The following RBMS1 variants were observed in gnomAD, a reference collection of about 807,000 sequenced individuals.
RBMS1 encodes the protein RNA binding motif single stranded interacting protein 1.
In RBMS1, 17 loss-of-function variants were observed where a neutral mutation model predicts 62.3. The observed-to-expected ratio is 0.27, with a 90% CI of 0.19 to 0.41. The LOEUF is 0.41. Ranked by LOEUF, RBMS1 falls within the 10% of genes least tolerant of loss-of-function variation. The pLI is 1.00. For missense variants in RBMS1, 334 were observed against 504.5 expected (o/e 0.66, Z 3.24); for synonymous variants, 172 against 170.0 (o/e 1.01, Z -0.09).
intron 6 of RBMS1, among the ~76,000 whole-genome samples, chr2:160,289,573 A>C (rs1688575471): frequency 6.6e-6 from 1 of 152,180 alleles, no homozygotes; most frequent in African/African-American, 2.4e-5. Context: ...CCAAGTACAC[A>C]AGAGCTGGGG....
At chr2:160,282,048 G>A (rs1310482703) in intron 9 of RBMS1, 15 of 349,112 alleles carry the variant, frequency 4.3e-5, no homozygotes, top group Non-Finnish European at 6.1e-5. Context: ...AGGAAAGAAA[G>A]CATGTGTAGT....
At chr2:160,416,698 G>A (rs1330864695) in intron 1 of RBMS1, among the ~76,000 whole-genome samples, 1 of 152,066 alleles carries the variant, frequency 6.6e-6, no homozygotes, top group East Asian at 1.9e-4. Context: ...AATTTCAGAG[G>A]TGGAAAGAAT....
chr2:160,332,281 G>A (rs1197326903), intron 2 of RBMS1, among the ~76,000 whole-genome samples: 1 of 152,152 alleles, frequency 6.6e-6, no homozygotes, highest in Non-Finnish European at 1.5e-5. Flanking sequence ...CTGAGTAAAA[G>A]AATAGCGGCA....
chr2:160,287,642 T>G (rs1688469814), intron 6 of RBMS1, among the ~76,000 whole-genome samples: 1 of 152,264 alleles, frequency 6.6e-6, no homozygotes, highest in Non-Finnish European at 1.5e-5. Context: ...ATGGGGGCAG[T>G]AACATTGTCT....
intron 3 of RBMS1, 118 bp from the exon 4 acceptor site, chr2:160,313,365 G>A (rs1473317128): frequency 6.5e-6 from 6 of 926,794 alleles, no homozygotes; most frequent in Non-Finnish European, 8.0e-6. Flanking sequence ...TGTCCTGAGG[G>A]AGCTCAGGCG....
At chr2:160,463,197 A>G (rs1263587453) in intron 1 of RBMS1, among the ~76,000 whole-genome samples, 1 of 152,248 alleles carries the variant, frequency 6.6e-6, no homozygotes, top group Non-Finnish European at 1.5e-5. Flanking sequence ...AAAAGAAATG[A>G]TAACCTGTTC....
chr2:160,435,793 T>A (rs1683084197), intron 1 of RBMS1, among the ~76,000 whole-genome samples: 2 of 152,236 alleles, frequency 1.3e-5, no homozygotes, highest in South Asian at 4.1e-4. Context: ...ATTAATCTTC[T>A]TTGCCTAAAT....
intron 1 of RBMS1, among the ~76,000 whole-genome samples, chr2:160,370,014 G>T (rs1187636439): frequency 6.6e-6 from 1 of 152,192 alleles, no homozygotes; most frequent in African/African-American, 2.4e-5. Flanking sequence ...ATTTACTGCA[G>T]TATTTTCCCA....
At chr2:160,439,582 G>A (rs1683305843) in intron 1 of RBMS1, among the ~76,000 whole-genome samples, 1 of 151,654 alleles carries the variant, frequency 6.6e-6, no homozygotes, top group African/African-American at 2.4e-5. Context: ...TGGGCAGCCA[G>A]GCAGAGGGGC....
chr2:160,334,213 T>C (rs533968255), intron 2 of RBMS1, among the ~76,000 whole-genome samples: 14 of 152,314 alleles, frequency 9.2e-5, no homozygotes, highest in Admixed American at 8.5e-4. Context: ...GATGTAGTAA[T>C]GCATTTTAGG....
chr2:160,487,474 C>CA (rs1374468006), intron 1 of RBMS1, among the ~76,000 whole-genome samples: 1 of 152,168 alleles, frequency 6.6e-6, no homozygotes, highest in Non-Finnish European at 1.5e-5. Flanking sequence ...TAAACTTTCC[C>CA]AATGTCAAGT....
chr2:160,275,572 A>G, intron 13 of RBMS1, 58 bp downstream of exon 13: 1 of 1,553,326 alleles, frequency 6.4e-7, no homozygotes, highest in East Asian at 2.3e-5. Context: ...TTTTAAAAAA[A>G]GCCCTATAGA....
At chr2:160,476,178 A>G (rs1685119616) in intron 1 of RBMS1, among the ~76,000 whole-genome samples, 1 of 151,980 alleles carries the variant, frequency 6.6e-6, no homozygotes, top group African/African-American at 2.4e-5. Flanking sequence ...TTTTCTATAC[A>G]CATTATATTC....
At chr2:160,325,709 A>C (rs1690885057) in intron 2 of RBMS1, among the ~76,000 whole-genome samples, 1 of 152,296 alleles carries the variant, frequency 6.6e-6, no homozygotes, top group South Asian at 2.1e-4. Flanking sequence ...AATGAGGCCT[A>C]AAAATAGTAG....
At chr2:160,323,524 G>T (rs1023072633) in intron 2 of RBMS1, among the ~76,000 whole-genome samples, 1 of 145,588 alleles carries the variant, frequency 6.9e-6, no homozygotes, top group Non-Finnish European at 1.5e-5. Context: ...TGTACTAGGA[G>T]AAACAGGTCT....
At position 160,321,979 on chromosome 2, in the gene RBMS1, C is replaced by T. The variant is rs867650643; in HGVS notation, c.252-3752G>A. On this transcript the variant is annotated intron_variant, in intron 2 of 13. Coordinates refer to ENST00000348849, the MANE Select transcript of RBMS1 (RefSeq NM_016836.4). ...CATGCTTGAACTTGAAGAACTTGTTCAAACATTATCTTTTCCATGAAACTA... is the reference window on the plus strand; with the variant it reads ...CATGCTTGAACTTGAAGAACTTGTTTAAACATTATCTTTTCCATGAAACTA... Among the ~76,000 whole-genome samples, 7 of 152,326 alleles carry T rather than the reference C, an allele frequency of 4.6e-5. No homozygotes were observed. The South Asian group carries it at 1.4e-3, about 32-fold the overall frequency.
chr2:160,395,270 T>C (rs1695074276), intron 1 of RBMS1, among the ~76,000 whole-genome samples: 1 of 152,222 alleles, frequency 6.6e-6, no homozygotes, highest in South Asian at 2.1e-4. Flanking sequence ...ATAGAATCCG[T>C]GTATCTTAGT....
chr2:160,476,408 C>G (rs1422763664), intron 1 of RBMS1, among the ~76,000 whole-genome samples: 2 of 152,104 alleles, frequency 1.3e-5, no homozygotes, highest in East Asian at 3.9e-4. Context: ...AGCATTTCAT[C>G]ACTAAAGAAT....
chr2:160,462,634 G>A (rs898216356), intron 1 of RBMS1, among the ~76,000 whole-genome samples: 2 of 152,188 alleles, frequency 1.3e-5, no homozygotes, highest in East Asian at 3.9e-4. Context: ...TTGAGATGGA[G>A]TTTCACTCTT....
Sources: allele counts gnomAD v4.1 joint callset (sites outside exome capture counted in the v4.1 genomes callset), GRCh38; gene constraint gnomAD v4.1.1; transcripts MANE v1.5; gene names NCBI Gene and HGNC (gene_info 2026-07-23, HGNC 2026-07-21).